Variants in NUTM2E observed in about 807,000 individuals in gnomAD.
NUTM2E encodes the protein NUT family member 2E.
In NUTM2E, 3 loss-of-function variants were observed where a neutral mutation model predicts 26.1. The observed-to-expected ratio is 0.12, with a 90% CI of 0.05 to 0.30. The LOEUF (loss-of-function observed/expected upper bound fraction) is 0.30. NUTM2E is among the 10% of genes least tolerant of loss of function. The probability of loss-of-function intolerance (pLI) is 1.00; values close to 1 mark genes in which losing one functional copy is unlikely to be tolerated. For synonymous variants in NUTM2E, 13 were observed against 157.5 expected (o/e 0.08, Z 6.87); for missense variants, 62 against 381.3 (o/e 0.16, Z 6.97).
chr10:79,828,795 A>G (rs1237077468), intron 1 of NUTM2E, among the ~76,000 whole-genome samples: 1 of 151,814 alleles, frequency 6.6e-6, no homozygotes, highest in Admixed American at 6.6e-5. Flanking sequence ...TGTGTAATAC[A>G]GTATGTTTCA....
intron 1 of NUTM2E, among the ~76,000 whole-genome samples, chr10:79,833,318 C>T (rs1242328448): frequency 2.0e-5 from 3 of 151,590 alleles, no homozygotes; most frequent in Admixed American, 6.6e-5. Flanking sequence ...AACATACTCA[C>T]TCCGATATTG....
At chr10:79,829,679 A>C (rs1019648350) in intron 1 of NUTM2E, among the ~76,000 whole-genome samples, 1 of 151,904 alleles carries the variant, frequency 6.6e-6, no homozygotes, top group African/African-American at 2.4e-5. Context: ...ACGTAGCTAA[A>C]TGGCCTGCGA....
At chr10:79,834,619 G>C (rs955772837) in intron 1 of NUTM2E, among the ~76,000 whole-genome samples, 2 of 148,078 alleles carry the variant, frequency 1.4e-5, no homozygotes, top group Non-Finnish European at 3.0e-5. Flanking sequence ...AGTGAGCCCA[G>C]ATCACGCCAC....
chr10:79,837,895 T>G (rs1426130177), intron 1 of NUTM2E, among the ~76,000 whole-genome samples: 6 of 151,804 alleles, frequency 4.0e-5, no homozygotes, highest in Admixed American at 2.0e-4. Flanking sequence ...ACTAGGGAAC[T>G]CAGACAACTA....
intron 1 of NUTM2E, among the ~76,000 whole-genome samples, chr10:79,827,795 G>GTTTTTTT (rs57414762): frequency 7.8e-6 from 1 of 127,736 alleles, no homozygotes. Context: ...TTTTTTTTTT[G>GTTTTTTT]TTTTTTTTTT....
chr10:79,831,526 T>G lies in NUTM2E; in HGVS notation c.-2728+4169T>G, dbSNP rs544737800. Among the ~76,000 whole-genome samples the G allele has an allele frequency of 7.3e-5, 11 of 151,710 alleles. No individual in the cohort carries two copies. The East Asian group carries it at 1.4e-3, about 19-fold the overall frequency. On this transcript the variant is annotated intron_variant, in intron 1 of 9. Coordinates refer to ENST00000429984, the MANE Select transcript of NUTM2E (RefSeq NM_001355263.2). ...GGCAAAAAGTATCATTTGATATGAC[T>G]TGTAAAATGTCAATTATTGTGAACA...
Position 79,836,339 on chromosome 10 carries a change from T to TA in NUTM2E, c.-2727-1961dup, listed in dbSNP as rs201644144. ...CATAGTATAGTACTTTGGGTTTGTC[T>TA]AAAAAAAAATTCATTTACAAATACT... On this transcript the variant is annotated intron_variant, in intron 1 of 9. Coordinates refer to ENST00000429984, the MANE Select transcript of NUTM2E (RefSeq NM_001355263.2). Among the ~76,000 whole-genome samples the TA allele has an allele frequency of 7.4e-3, 1,121 of 151,416 alleles. 23 individuals carry two copies. The highest frequency in any genetic ancestry group is 0.025 in the African/African-American group (1,043 of 41,334).
chr10:79,837,297 T>A (rs968520082), intron 1 of NUTM2E, among the ~76,000 whole-genome samples: 3 of 152,032 alleles, frequency 2.0e-5, no homozygotes, highest in Non-Finnish European at 4.4e-5. Context: ...CCTGATTCTG[T>A]TTGCCTGATT....
At chr10:79,845,346 A>T (rs1842017434) in intron 5 of NUTM2E, among the ~76,000 whole-genome samples, 1 of 113,622 alleles carries the variant, frequency 8.8e-6, no homozygotes, top group African/African-American at 2.8e-5. Flanking sequence ...GCGGTGGTGG[A>T]GCCTGCACAG....
At position 79,838,853 on chromosome 10, in the gene NUTM2E, C is replaced by G. The variant is rs1178515184; in HGVS notation, c.-2376C>G. Among the ~76,000 whole-genome samples, 3 of 151,218 alleles carry G rather than the reference C, an allele frequency of 2.0e-5. No homozygotes were observed. On this transcript the variant is annotated 5_prime_UTR_variant, in exon 3 of 10. Transcript: ENST00000429984. ...CCTTTGCTCTCGCGCTGCGCGTCTC[C>G]CTGCCATCAACCGCCGCAACTGGCG...
chr10:79,830,715 A>G (rs1013787962), intron 1 of NUTM2E, among the ~76,000 whole-genome samples: 9 of 151,798 alleles, frequency 5.9e-5, no homozygotes, highest in Non-Finnish European at 1.2e-4. Context: ...TACAAAAAAA[A>G]GAACATTTCA....
At position 79,826,998 on chromosome 10, in the gene NUTM2E, C is replaced by T. The variant is rs1198946092; in HGVS notation, c.-3087C>T. ...CCAGCGGCTGTTCTCCCTAAGCACC[C>T]TCGCTCACGTCGCCTCGCCTCGCCT... is the stretch of plus-strand genomic sequence containing the variant. On this transcript the variant is annotated 5_prime_UTR_variant, in exon 1 of 10. Transcript: ENST00000429984. The T allele has an allele frequency of 2.2e-5, 1 of 46,180 alleles. No homozygotes were observed. The highest frequency in any genetic ancestry group is 5.7e-5 in the African/African-American group (1 of 17,646). The allele number at this position is 46,180 out of a possible 1,614,324, so 2.9% of individuals were successfully genotyped here.
chr10:79,837,322 G>A (rs549853238), intron 1 of NUTM2E, among the ~76,000 whole-genome samples: 4 of 152,088 alleles, frequency 2.6e-5, no homozygotes, highest in Admixed American at 2.0e-4. Flanking sequence ...CCATTTGGTT[G>A]TATATTAAGG....
intron 1 of NUTM2E, among the ~76,000 whole-genome samples, chr10:79,832,865 ATG>A (rs1464011043): frequency 2.0e-5 from 3 of 151,564 alleles, no homozygotes; most frequent in Non-Finnish European, 4.4e-5. Context: ...GAAACAGTGT[ATG>A]TGTGTGTGTA....
rs1841986966 is a variant in NUTM2E at position 79,839,637 on chromosome 10, C to A, written c.-2104C>A. ...TTCTGCTCATTTGCAGGATTCCTAT[C>A]ATCTGTCTCCACGTGATAACACTGA... On this transcript the variant is annotated 5_prime_UTR_variant, in exon 4 of 10. Transcript: ENST00000429984. Among the ~76,000 whole-genome samples, 1 of 151,866 alleles carries A rather than the reference C, an allele frequency of 6.6e-6. No homozygotes were observed. The highest frequency in any genetic ancestry group is 2.1e-4 in the South Asian group (1 of 4,788).
intron 1 of NUTM2E, among the ~76,000 whole-genome samples, chr10:79,833,409 G>A (rs1390432498): frequency 1.3e-5 from 2 of 150,656 alleles, no homozygotes; most frequent in Non-Finnish European, 3.0e-5. Context: ...AGAAACTACC[G>A]TCAGAGTGAA....
chr10:79,847,574 TC>T (rs1295973312), intron 6 of NUTM2E, among the ~76,000 whole-genome samples: 2 of 63,772 alleles, frequency 3.1e-5, no homozygotes, highest in Non-Finnish European at 7.7e-5. Context: ...GGGCCCACAG[TC>T]CTAGCCTCAG....
At chr10:79,827,809 G>GT (rs1218432352) in intron 1 of NUTM2E, among the ~76,000 whole-genome samples, 1 of 61,844 alleles carries the variant, frequency 1.6e-5, no homozygotes, top group South Asian at 5.4e-4. Flanking sequence ...TTTTTTTTTT[G>GT]TTTTTTTTTG....
At chr10:79,827,843 G>A (rs1308821612) in intron 1 of NUTM2E, among the ~76,000 whole-genome samples, 1 of 112,842 alleles carries the variant, frequency 8.9e-6, no homozygotes, top group African/African-American at 3.4e-5. Flanking sequence ...TGCTATTGTT[G>A]CCCAGGCTGG....
Sources: allele counts gnomAD v4.1 joint callset (sites outside exome capture counted in the v4.1 genomes callset), GRCh38; gene constraint gnomAD v4.1.1; transcripts MANE v1.5; gene names NCBI Gene and HGNC (gene_info 2026-07-23, HGNC 2026-07-21).